ADGRL3: variants seen among roughly 807,000 people sequenced by gnomAD.
The protein encoded by ADGRL3 is adhesion G protein-coupled receptor L3, also known as calcium-independent alpha-latrotoxin receptor 3.
ADGRL3 carries 62 observed loss-of-function variants against 153.5 expected under a neutral mutation model. That is an observed-to-expected ratio of 0.40 (90% confidence interval 0.33 to 0.50). ADGRL3 has a LOEUF of 0.50. Among genes scored for constraint, ADGRL3 ranks in the 20% least tolerant of loss-of-function variants. The probability of loss-of-function intolerance (pLI) is 0.47; values close to 1 mark genes in which losing one functional copy is unlikely to be tolerated. For synonymous variants in ADGRL3, 710 were observed against 672.5 expected (o/e 1.06, Z -0.86); for missense variants, 1,641 against 1,859.4 (o/e 0.88, Z 2.16).
At chr4:61,238,830 A>T (rs569737907) in intron 1 of ADGRL3, among the ~76,000 whole-genome samples, 2 of 152,276 alleles carry the variant, frequency 1.3e-5, no homozygotes, top group South Asian at 4.1e-4. Context: ...AACACTATGT[A>T]TTTGAAGTAA....
intron 17 of ADGRL3, among the ~76,000 whole-genome samples, chr4:61,950,781 T>C (rs1271910481): frequency 6.6e-6 from 1 of 152,144 alleles, no homozygotes; most frequent in Non-Finnish European, 1.5e-5. Context: ...AGGCGATGCG[T>C]CTTGGAGTCA....
chr4:61,229,658 C>G (rs1336494523), intron 1 of ADGRL3, among the ~76,000 whole-genome samples: 1 of 152,020 alleles, frequency 6.6e-6, no homozygotes, highest in Non-Finnish European at 1.5e-5. Context: ...TGGCTTATGA[C>G]TATAATTCCA....
At chr4:61,776,175 C>G (rs1049519625) in intron 8 of ADGRL3, among the ~76,000 whole-genome samples, 1 of 152,170 alleles carries the variant, frequency 6.6e-6, no homozygotes, top group Admixed American at 6.5e-5. Context: ...GCTGGGATTA[C>G]AGGCGTGAGC....
chr4:61,884,969 G>A (rs1340242421), intron 9 of ADGRL3, among the ~76,000 whole-genome samples: 61 of 150,684 alleles, frequency 4.0e-4, no homozygotes, highest in Non-Finnish European at 3.0e-5. Flanking sequence ...TTGAGAACCT[G>A]AACTTGATCC....
intron 4 of ADGRL3, among the ~76,000 whole-genome samples, chr4:61,564,595 T>C (rs1236689046): frequency 1.3e-5 from 2 of 152,178 alleles, no homozygotes; most frequent in East Asian, 3.9e-4. Context: ...TTACCATTCA[T>C]ATGTGACTGG....
At chr4:61,660,178 C>T (rs1264446559) in intron 5 of ADGRL3, among the ~76,000 whole-genome samples, 1 of 152,112 alleles carries the variant, frequency 6.6e-6, no homozygotes, top group Non-Finnish European at 1.5e-5. Context: ...ATGCATACCT[C>T]AGTGAGACCT....
At chr4:61,654,153 C>T (rs1410081124) in intron 5 of ADGRL3, among the ~76,000 whole-genome samples, 1 of 152,108 alleles carries the variant, frequency 6.6e-6, no homozygotes, top group African/African-American at 2.4e-5. Context: ...TTTAATTTCT[C>T]ATATTATGTA....
chr4:61,869,537 G>T lies in ADGRL3; in HGVS notation c.1481-23119G>T, dbSNP rs556144126. Among the ~76,000 whole-genome samples the T allele has an allele frequency of 6.6e-5, 10 of 152,056 alleles. No individual in the cohort carries two copies. The South Asian group carries it at 2.1e-3, about 32-fold the overall frequency. On this transcript the variant is annotated intron_variant, in intron 9 of 26. Transcript: ENST00000683033. ...GGCGTGAACCCGGGAAGCGGAGCTT[G>T]CAGTGAGCCGAGATTGCGCCACTGC...
intron 11 of ADGRL3, among the ~76,000 whole-genome samples, chr4:61,900,060 A>C (rs116352897): frequency 1.4e-3 from 218 of 152,300 alleles, no homozygotes; most frequent in African/African-American, 5.1e-3. Context: ...TGAAGGAAAG[A>C]GCACTGACTT....
At chr4:61,679,980 CT>C (rs1486265429) in intron 6 of ADGRL3, among the ~76,000 whole-genome samples, 3 of 151,822 alleles carry the variant, frequency 2.0e-5, no homozygotes, top group Non-Finnish European at 2.9e-5. Flanking sequence ...TGTTTTTGTC[CT>C]TTTTCTTAAA....
chr4:61,384,471 A>G (rs1036541832), intron 2 of ADGRL3, among the ~76,000 whole-genome samples: 1 of 151,026 alleles, frequency 6.6e-6, no homozygotes, highest in African/African-American at 2.4e-5. Context: ...TAATAGATAT[A>G]TGTATAAATA....
At chr4:62,048,113 A>C (rs1732124313) in intron 25 of ADGRL3, among the ~76,000 whole-genome samples, 2 of 152,140 alleles carry the variant, frequency 1.3e-5, no homozygotes, top group Admixed American at 6.6e-5. Context: ...AATCTAATTC[A>C]AATCTCTAGT....
At chr4:61,486,292 A>G (rs2098193065) in intron 2 of ADGRL3, among the ~76,000 whole-genome samples, 1 of 152,116 alleles carries the variant, frequency 6.6e-6, no homozygotes, top group Admixed American at 6.5e-5. Context: ...TTGCATTGAT[A>G]ATGATTTTAG....
chr4:61,926,172 T>C (rs957815979), intron 13 of ADGRL3, among the ~76,000 whole-genome samples: 4 of 152,164 alleles, frequency 2.6e-5, no homozygotes, highest in Admixed American at 1.3e-4. Flanking sequence ...CTAGTACACC[T>C]GTATAGAGCA....
At chr4:62,018,761 G>A (rs1412019172) in intron 21 of ADGRL3, among the ~76,000 whole-genome samples, 1 of 152,156 alleles carries the variant, frequency 6.6e-6, no homozygotes, top group East Asian at 1.9e-4. Flanking sequence ...TGGGGCTGAG[G>A]GAGGCTGTCT....
intron 8 of ADGRL3, among the ~76,000 whole-genome samples, chr4:61,813,157 G>A (rs1026141503): frequency 1.3e-5 from 2 of 152,074 alleles, no homozygotes; most frequent in East Asian, 3.9e-4. Context: ...CACTTTGGGA[G>A]GCCAAGGCGA....
intron 1 of ADGRL3, among the ~76,000 whole-genome samples, chr4:61,278,526 C>T (rs139494474): frequency 7.4e-4 from 112 of 152,132 alleles, no homozygotes; most frequent in African/African-American, 2.4e-3. Flanking sequence ...TTTTTTGAGA[C>T]GGAGTCTCAC....
intron 2 of ADGRL3, among the ~76,000 whole-genome samples, chr4:61,471,825 A>T (rs909695314): frequency 9.2e-5 from 14 of 152,006 alleles, no homozygotes; most frequent in African/African-American, 3.4e-4. Context: ...TTAATTGTAA[A>T]CATTTTTTTT....
chr4:61,547,185 G>T (rs2098717558), intron 4 of ADGRL3, among the ~76,000 whole-genome samples: 1 of 151,824 alleles, frequency 6.6e-6, no homozygotes, highest in South Asian at 2.1e-4. Flanking sequence ...TCTTTCTAAA[G>T]AACTGGTTGT....
Sources: allele counts gnomAD v4.1 joint callset (sites outside exome capture counted in the v4.1 genomes callset), GRCh38; gene constraint gnomAD v4.1.1; transcripts MANE v1.5; gene names NCBI Gene and HGNC (gene_info 2026-07-23, HGNC 2026-07-21).